Variants in CNTNAP3 observed in about 807,000 individuals in gnomAD.
CNTNAP3 encodes the protein contactin associated protein family member 3.
In CNTNAP3, 36 loss-of-function variants were observed where a neutral mutation model predicts 92.1. The ratio of observed to expected loss-of-function variants is 0.39; its 90% confidence interval spans 0.30 to 0.52. CNTNAP3 has a LOEUF of 0.52. Ranked by LOEUF, CNTNAP3 falls within the 20% of genes least tolerant of loss-of-function variation. The pLI, the probability that CNTNAP3 is intolerant of heterozygous loss-of-function variation, is 0.76. For missense variants in CNTNAP3, 534 were observed against 1,069.6 expected (o/e 0.50, Z 6.98); for synonymous variants, 232 against 422.3 (o/e 0.55, Z 5.53).
At chr9:39,105,319 C>T (rs186123806) in intron 15 of CNTNAP3, among the ~76,000 whole-genome samples, 4 of 152,136 alleles carry the variant, frequency 2.6e-5, no homozygotes, top group African/African-American at 9.6e-5. Context: ...CCCAGCTACT[C>T]GGGAGGCTGA....
intron 23 of CNTNAP3, among the ~76,000 whole-genome samples, chr9:39,075,712 C>T (rs1001784640): frequency 2.0e-5 from 3 of 152,298 alleles, no homozygotes; most frequent in African/African-American, 2.4e-5. Context: ...TGCCTTCGGA[C>T]ACCTAAAATT....
At chr9:39,139,950 T>C (rs1263945392) in intron 12 of CNTNAP3, 1 of 152,384 alleles carries the variant, frequency 6.6e-6, no homozygotes, top group African/African-American at 2.4e-5. Flanking sequence ...TTTCACCACG[T>C]TGGCCAGGAT....
intron 13 of CNTNAP3, among the ~76,000 whole-genome samples, chr9:39,124,968 G>C (rs1821122697): frequency 6.6e-6 from 1 of 152,006 alleles, no homozygotes. Context: ...CATGGATCTA[G>C]AACTAGAAAT....
chr9:39,132,633 TCTC>T (rs1245004549), intron 13 of CNTNAP3, among the ~76,000 whole-genome samples: 7 of 152,042 alleles, frequency 4.6e-5, no homozygotes, highest in Admixed American at 2.0e-4. Flanking sequence ...ACAGCCATTA[TCTC>T]CTCAGTGTGA....
At chr9:39,114,177 G>A (rs1820793571) in intron 14 of CNTNAP3, among the ~76,000 whole-genome samples, 1 of 149,528 alleles carries the variant, frequency 6.7e-6, no homozygotes, top group African/African-American at 2.5e-5. Flanking sequence ...CTGCCTTCCA[G>A]CTTCACGCCA....
At chr9:39,106,478 G>T (rs1419897557) in intron 15 of CNTNAP3, 4 of 152,092 alleles carry the variant, frequency 2.6e-5, no homozygotes, top group Admixed American at 2.0e-4. Context: ...AAGAGACGGG[G>T]TCTTACCATC....
At position 39,085,798 on chromosome 9, in the gene CNTNAP3, A is replaced by C; in HGVS notation, c.3380T>G (p.Val1127Gly). Residue 1127 changes from valine (V) to glycine (G), a missense_variant, in exon 21 of 24, where the codon GTC becomes GGC. By Grantham distance (109) the Val-to-Gly change is moderately radical. Transcript: ENST00000297668. ...GAATTCTGTCCCTGAGGACAAGATGACTTGTTTCTTTGTGCTCTGGTTAAC... is the reference window on the plus strand; with the variant it reads ...GAATTCTGTCCCTGAGGACAAGATGCCTTGTTTCTTTGTGCTCTGGTTAAC... ...VEVNQSTKKQ[V>G]ILSSGTEFNA... is the part of the protein sequence containing the mutation. 6 of 1,559,762 alleles carry C rather than the reference A, an allele frequency of 3.8e-6. No homozygotes were observed. Among genetic ancestry groups the C allele is most frequent in the Non-Finnish European group, 5.3e-6 (6 of 1,140,720 alleles).
At chr9:39,126,842 G>C (rs914770841) in intron 13 of CNTNAP3, among the ~76,000 whole-genome samples, 2 of 151,946 alleles carry the variant, frequency 1.3e-5, no homozygotes, top group African/African-American at 4.8e-5. Context: ...GCAACTGACA[G>C]AACTACTGGA....
At chr9:39,102,113 A>G (rs571971470) in intron 17 of CNTNAP3, among the ~76,000 whole-genome samples, 12 of 152,350 alleles carry the variant, frequency 7.9e-5, no homozygotes, top group African/African-American at 2.9e-4. Context: ...CCGTGTCTCT[A>G]TGAAAAATAC....
In CNTNAP3 at chr9:39,066,578, A is replaced by G. The variant is rs1825514205; in HGVS notation, c.*7312T>C. Among the ~76,000 whole-genome samples the G allele has an allele frequency of 6.6e-6, 1 of 152,258 alleles. No homozygotes were observed. Reference sequence around the variant, plus strand: ...ATTACTTTTAACTTTTCTATGTCTGAAAAATATCTTTGTTTCATCCTTTCT... The same window carrying G: ...ATTACTTTTAACTTTTCTATGTCTGGAAAATATCTTTGTTTCATCCTTTCT... On this transcript the variant is annotated 3_prime_UTR_variant, in exon 24 of 24. Transcript: ENST00000297668.
intron 21 of CNTNAP3, among the ~76,000 whole-genome samples, chr9:39,080,612 A>G (rs1341517599): frequency 1.5e-5 from 2 of 137,088 alleles, no homozygotes; most frequent in Non-Finnish European, 3.2e-5. Flanking sequence ...ATGGTTTTAC[A>G]TTAAATAATT....
intron 12 of CNTNAP3, among the ~76,000 whole-genome samples, chr9:39,136,672 G>A (rs2118071448): frequency 6.6e-6 from 1 of 152,244 alleles, no homozygotes; most frequent in East Asian, 1.9e-4. Context: ...AGGCTGAGGT[G>A]GGTGGATCAC....
chr9:39,126,320 AAC>A (rs1184275268), intron 13 of CNTNAP3, among the ~76,000 whole-genome samples: 5 of 152,172 alleles, frequency 3.3e-5, no homozygotes, highest in African/African-American at 1.2e-4. Context: ...AACCTTCCCA[AAC>A]AGAAGGTACC....
At chr9:39,101,024 T>C (rs999761769) in intron 17 of CNTNAP3, among the ~76,000 whole-genome samples, 8 of 150,146 alleles carry the variant, frequency 5.3e-5, no homozygotes, top group African/African-American at 1.5e-4. Flanking sequence ...CAATGAATGC[T>C]GATTCTAGGT....
chr9:39,083,153 T>C (rs1441291158), intron 21 of CNTNAP3, among the ~76,000 whole-genome samples: 2 of 152,124 alleles, frequency 1.3e-5, no homozygotes, highest in Non-Finnish European at 2.9e-5. Context: ...CTATTTGGCA[T>C]TCTTACATAT....
chr9:39,074,515 T>C (rs1335607207), intron 23 of CNTNAP3, among the ~76,000 whole-genome samples: 1 of 151,566 alleles, frequency 6.6e-6, no homozygotes, highest in Non-Finnish European at 1.5e-5. Flanking sequence ...CTATGACTTT[T>C]GGATATGGCT....
At chr9:39,096,352 T>TAATAGCA (rs1826325328) in intron 18 of CNTNAP3, among the ~76,000 whole-genome samples, 1 of 149,636 alleles carries the variant, frequency 6.7e-6, no homozygotes, top group African/African-American at 2.5e-5. Context: ...TAATGCAGGC[T>TAATAGCA]AATAGCAGTG....
intron 13 of CNTNAP3, among the ~76,000 whole-genome samples, chr9:39,128,566 C>A (rs1563886570): frequency 6.6e-6 from 1 of 151,774 alleles, no homozygotes; most frequent in Non-Finnish European, 1.5e-5. Context: ...AAGGGAACTA[C>A]CTCCACATAA....
intron 12 of CNTNAP3, among the ~76,000 whole-genome samples, chr9:39,133,862 T>C (rs1821363369): frequency 6.6e-6 from 1 of 152,192 alleles, no homozygotes; most frequent in African/African-American, 2.4e-5. Context: ...CCCACCAGAC[T>C]TGAAGTCACT....
Sources: gnomAD v4.1 joint callset for allele counts (sites outside exome capture counted in the v4.1 genomes callset) on GRCh38, gnomAD v4.1.1 for gene constraint, MANE v1.5 for transcripts, NCBI Gene and HGNC (gene_info 2026-07-23, HGNC 2026-07-21) for gene names.